Variants in NRXN1 observed in about 807,000 individuals in gnomAD.
The protein encoded by NRXN1 is neurexin-1.
NRXN1 carries 39 observed loss-of-function variants against 150.9 expected under a neutral mutation model. The ratio of observed to expected loss-of-function variants is 0.26; its 90% CI spans 0.20 to 0.34. NRXN1 has a LOEUF of 0.34. Among genes scored for constraint, NRXN1 ranks in the 10% least tolerant of loss-of-function variants. The pLI is 1.00. For synonymous variants in NRXN1, 924 were observed against 757.0 expected, an observed-to-expected ratio of 1.22 and a Z score of -3.62; for missense variants, 1,815 against 1,949.9, an observed-to-expected ratio of 0.93 and a Z score of 1.30.
intron 21 of NRXN1, among the ~76,000 whole-genome samples, chr2:50,046,461 T>A (rs1316307622): frequency 2.0e-5 from 3 of 152,226 alleles, no homozygotes. Context: ...TGCTTTAATT[T>A]ACAGTGTGTA....
intron 5 of NRXN1, among the ~76,000 whole-genome samples, chr2:50,728,926 G>A (rs922149147): frequency 6.6e-6 from 1 of 152,136 alleles, no homozygotes; most frequent in South Asian, 2.1e-4. Context: ...GTTTATGACA[G>A]TTTGTTGAAC....
intron 5 of NRXN1, among the ~76,000 whole-genome samples, chr2:50,670,953 T>C (rs929649218): frequency 6.6e-6 from 1 of 151,950 alleles, no homozygotes; most frequent in African/African-American, 2.4e-5. Flanking sequence ...AAAGTTACTA[T>C]GTATCACTTT....
intron 18 of NRXN1, among the ~76,000 whole-genome samples, chr2:50,128,762 C>T (rs1000730110): frequency 2.6e-5 from 4 of 151,936 alleles, no homozygotes; most frequent in African/African-American, 9.7e-5. Context: ...GGGGGTGGAT[C>T]GCCTGAGATC....
chr2:50,432,113 G>A (rs17040648), intron 17 of NRXN1, among the ~76,000 whole-genome samples: 28,491 of 152,050 alleles, frequency 0.19, 3,609 homozygotes, highest in East Asian at 0.52. Flanking sequence ...TCATTTCAGG[G>A]AGTGAATACC....
At chr2:50,479,194 T>C (rs2090240081) in intron 15 of NRXN1, among the ~76,000 whole-genome samples, 1 of 152,222 alleles carries the variant, frequency 6.6e-6, no homozygotes, top group Non-Finnish European at 1.5e-5. Flanking sequence ...ATAATATCTA[T>C]CTTCGCCCCA....
intron 21 of NRXN1, among the ~76,000 whole-genome samples, chr2:50,032,340 A>G (rs1449348461): frequency 6.6e-6 from 1 of 152,074 alleles, no homozygotes; most frequent in African/African-American, 2.4e-5. Context: ...TGATACTGCT[A>G]GCATTAATTA....
At chr2:50,451,397 T>C (rs2086951289) in intron 17 of NRXN1, among the ~76,000 whole-genome samples, 1 of 152,208 alleles carries the variant, frequency 6.6e-6, no homozygotes. Context: ...TAAAGTCTGC[T>C]CATTCACTGA....
intron 5 of NRXN1, among the ~76,000 whole-genome samples, chr2:50,894,352 C>G (rs190494146): frequency 1.4e-4 from 21 of 150,520 alleles, no homozygotes; most frequent in Admixed American, 5.3e-4. Flanking sequence ...CTGACTCATT[C>G]TCAGAATAAA....
chr2:50,981,049 A>G (rs988698516), intron 2 of NRXN1, among the ~76,000 whole-genome samples: 1 of 152,140 alleles, frequency 6.6e-6, no homozygotes, highest in Admixed American at 6.6e-5. Context: ...GTAATTACAG[A>G]TATCTCTTCT....
At chr2:50,730,419 G>C (rs536826901) in intron 5 of NRXN1, among the ~76,000 whole-genome samples, 1 of 152,170 alleles carries the variant, frequency 6.6e-6, no homozygotes, top group Admixed American at 6.5e-5. Context: ...ACTTTAATGA[G>C]ATTTCTCAGA....
At chr2:49,992,970 A>G (rs1592725) in intron 21 of NRXN1, among the ~76,000 whole-genome samples, 71,014 of 152,094 alleles carry the variant, frequency 0.47, 17,242 homozygotes, top group Middle Eastern at 0.6. Flanking sequence ...GAAACGCACA[A>G]TTTCACAGCC....
chr2:50,028,789 T>G (rs1688760231), intron 21 of NRXN1, among the ~76,000 whole-genome samples: 1 of 152,248 alleles, frequency 6.6e-6, no homozygotes. Context: ...TGCTAGTTTA[T>G]CCCAGAAACC....
intron 22 of NRXN1, among the ~76,000 whole-genome samples, chr2:49,932,653 T>C (rs1046459239): frequency 2.6e-5 from 4 of 152,198 alleles, no homozygotes; most frequent in African/African-American, 9.7e-5. Context: ...CATTCTTCCA[T>C]ATATTTTAAC....
At chr2:50,773,267 C>A (rs955745930) in intron 5 of NRXN1, among the ~76,000 whole-genome samples, 9 of 152,140 alleles carry the variant, frequency 5.9e-5, no homozygotes, top group African/African-American at 2.2e-4. Context: ...TCAACTCCTT[C>A]AACCTTTGTC....
chr2:50,851,269 C>T (rs1004616296), intron 5 of NRXN1, among the ~76,000 whole-genome samples: 1 of 152,004 alleles, frequency 6.6e-6, no homozygotes, highest in Non-Finnish European at 1.5e-5. Flanking sequence ...CGGGATAAGA[C>T]TGGTTTCAAG....
intron 21 of NRXN1, among the ~76,000 whole-genome samples, chr2:49,965,118 G>A (rs898288414): frequency 1.3e-5 from 2 of 151,904 alleles, no homozygotes; most frequent in African/African-American, 4.8e-5. Flanking sequence ...GAGCTCCAAT[G>A]ATCCACCTGC....
chr2:50,931,911 G>T (rs1348804971), intron 2 of NRXN1, among the ~76,000 whole-genome samples: 2 of 151,754 alleles, frequency 1.3e-5, no homozygotes, highest in Non-Finnish European at 2.9e-5. Flanking sequence ...GCCAAGACTG[G>T]AGTGCAGTGT....
intron 17 of NRXN1, among the ~76,000 whole-genome samples, chr2:50,356,439 C>T (rs1415660026): frequency 1.3e-5 from 2 of 151,990 alleles, no homozygotes; most frequent in Non-Finnish European, 2.9e-5. Context: ...AATATATGAC[C>T]TCTGAGGCAT....
intron 18 of NRXN1, among the ~76,000 whole-genome samples, chr2:50,139,364 C>G (rs972982324): frequency 6.1e-5 from 9 of 148,008 alleles, no homozygotes; most frequent in Non-Finnish European, 1.0e-4. Context: ...CATGGGCCAT[C>G]ATGTGAACCT....
Sources: gnomAD v4.1 joint callset for allele counts (sites outside exome capture counted in the v4.1 genomes callset) on GRCh38, gnomAD v4.1.1 for gene constraint, MANE v1.5 for transcripts, NCBI Gene and HGNC (gene_info 2026-07-23, HGNC 2026-07-21) for gene names.